RAD21L1: variants seen among roughly 807,000 people sequenced by gnomAD.
RAD21L1 encodes double-strand-break repair protein rad21-like protein 1.
Under a neutral mutation model 69.0 loss-of-function variants are expected in RAD21L1, and 47 were observed. The observed-to-expected ratio is 0.68, with a 90% confidence interval of 0.54 to 0.87. The LOEUF is 0.87. Ranked by LOEUF, RAD21L1 falls within the 40% of genes least tolerant of loss-of-function variation. The pLI is 0.00. For missense variants in RAD21L1, 583 were observed against 647.6 expected (o/e 0.90, Z 1.08); for synonymous variants, 177 against 205.8 (o/e 0.86, Z 1.20).
chr20:1,229,799 C>G, intron 2 of RAD21L1, 81 bp from the exon 3 acceptor site: 1 of 1,093,622 alleles, frequency 9.1e-7, no homozygotes, highest in Non-Finnish European at 1.3e-6. Context: ...AGAACCAATT[C>G]TTACGATGTC....
At chr20:1,253,287 G>A (rs1336643482) in intron 13 of RAD21L1, among the ~76,000 whole-genome samples, 1 of 152,108 alleles carries the variant, frequency 6.6e-6, no homozygotes, top group Admixed American at 6.5e-5. Flanking sequence ...AGTATTCACT[G>A]CAGTACTTCT....
chr20:1,226,153 C>G lies in RAD21L1; in HGVS notation c.-33+13C>G, dbSNP rs1172292220. 2 of 151,568 alleles carry G rather than the reference C, an allele frequency of 1.3e-5. No individual in the cohort carries two copies. The highest frequency in any genetic ancestry group is 2.9e-5 in the Non-Finnish European group (2 of 67,928). 9.4% of individuals were successfully genotyped at this position (151,568 alleles called of 1,614,324 possible). A position where few individuals can be genotyped will look rare whatever the true frequency, so the allele number is the denominator to read the frequency against. ...CGAGGCTTTGAAAGTAGGGCGCAGC[C>G]TGAGAGGCCGGCCGGACCCCGAGTG... On this transcript the variant is annotated intron_variant, in intron 1 of 13. Coordinates refer to ENST00000683101, the MANE Select transcript of RAD21L1 (RefSeq NM_001384355.1).
chr20:1,250,448 A>G (rs2087805949), intron 13 of RAD21L1, among the ~76,000 whole-genome samples: 1 of 149,484 alleles, frequency 6.7e-6, no homozygotes, highest in Non-Finnish European at 1.5e-5. Flanking sequence ...GTGAGTGAGA[A>G]CATGCAGTGT....
chr20:1,246,059 G>A lies in RAD21L1; in HGVS notation c.1309-154G>A. 2 of 457,344 alleles carry A rather than the reference G, an allele frequency of 4.4e-6. No homozygotes were observed. Among genetic ancestry groups the A allele is most frequent in the Admixed American group, 4.3e-5 (1 of 23,086 alleles). 28.3% of individuals were successfully genotyped at this position (457,344 alleles called of 1,614,324 possible). On this transcript the variant is annotated intron_variant, in intron 11 of 13. Coordinates refer to ENST00000683101, the MANE Select transcript of RAD21L1 (RefSeq NM_001384355.1). The surrounding 1 kb of genome is among the most constrained non-coding windows in gnomAD (Gnocchi z 4.6). The stretch of plus-strand genomic sequence containing the variant: ...ATTTAAGTCAAAGACTGCCTATCTG[G>A]GGTATTTCAGAGATAATATTTTGAG...
At chr20:1,249,202 A>G (rs2087776366) in intron 13 of RAD21L1, among the ~76,000 whole-genome samples, 1 of 152,122 alleles carries the variant, frequency 6.6e-6, no homozygotes, top group South Asian at 2.1e-4. Context: ...TTTAGTATTT[A>G]TATCTATATT....
chr20:1,228,515 C>T lies in RAD21L1; in HGVS notation c.62C>T (p.Ala21Val). 2 of 1,550,038 alleles carry T rather than the reference C, an allele frequency of 1.3e-6. No homozygotes were observed. Among genetic ancestry groups the T allele is most frequent in the South Asian group, 1.2e-5 (1 of 83,926 alleles). The change falls in exon 2 of 14, where the codon GCT (alanine) becomes GTT (valine). Residue 21 changes from alanine to valine, a missense_variant. Physicochemically the swap from Ala to Val is moderately conservative, Grantham distance 64. Transcript: ENST00000683101. Reference sequence around the variant, plus strand: ...CCATTGGCCAAAATATGGCTTGCAGCTCACTGGGAGAAGAAACTCACAAAG... The same window carrying T: ...CCATTGGCCAAAATATGGCTTGCAGTTCACTGGGAGAAGAAACTCACAAAG... ...RGPLAKIWLA[A>V]HWEKKLTKAH...
intron 4 of RAD21L1, among the ~76,000 whole-genome samples, chr20:1,232,270 G>T (rs1441736661): frequency 6.6e-6 from 1 of 152,196 alleles, no homozygotes; most frequent in Non-Finnish European, 1.5e-5. Context: ...AGACACAGAT[G>T]ATGTAGGGTG....
At chr20:1,228,677 G>A (rs1159340742) in intron 2 of RAD21L1, 80 bp downstream of exon 2, 13 of 1,001,924 alleles carry the variant, frequency 1.3e-5, no homozygotes, top group African/African-American at 1.7e-5. Flanking sequence ...CTTATATCAT[G>A]AAATACATTT....
chr20:1,232,077 A>G (rs938265477), intron 4 of RAD21L1, among the ~76,000 whole-genome samples: 15 of 152,226 alleles, frequency 9.9e-5, no homozygotes, highest in African/African-American at 3.6e-4. Flanking sequence ...GTAAGAACAA[A>G]TCTGAAGGAG....
chr20:1,244,152 T>C lies in RAD21L1; in HGVS notation c.1290T>C (p.Asn430=). ...AGCATAGCTCTCATGAGGATACCAA[T>C]AAAAATATTAACTCTGAGGTAAGTT... ...GSQHSSHEDT[N]KNINSEDIVE... Residue 430 remains asparagine, a synonymous_variant, in exon 11 of 14, where the codon AAT becomes AAC. Transcript: ENST00000683101. 1.9e-6 allele frequency: 3 copies of C among 1,543,240 alleles called. No individual in the cohort carries two copies. Among genetic ancestry groups the C allele is most frequent in the Non-Finnish European group, 2.6e-6 (3 of 1,141,456 alleles).
At chr20:1,250,126 A>T (rs1295362170) in intron 13 of RAD21L1, among the ~76,000 whole-genome samples, 2 of 150,892 alleles carry the variant, frequency 1.3e-5, no homozygotes, top group Non-Finnish European at 2.9e-5. Flanking sequence ...TGTCCTTGCC[A>T]TAGGTTGCTG....
chr20:1,252,426 C>A (rs776488594), intron 13 of RAD21L1, among the ~76,000 whole-genome samples: 3 of 152,108 alleles, frequency 2.0e-5, no homozygotes, highest in Non-Finnish European at 4.4e-5. Context: ...CCAGAATAAT[C>A]TTTAAGTCTA....
At chr20:1,237,244 T>C (rs1013633219) in intron 5 of RAD21L1, among the ~76,000 whole-genome samples, 1 of 152,146 alleles carries the variant, frequency 6.6e-6, no homozygotes, top group African/African-American at 2.4e-5. Context: ...GAGAGGGAAA[T>C]AACTGATGTC....
chr20:1,249,015 T>C (rs1018185471), intron 13 of RAD21L1, among the ~76,000 whole-genome samples: 1 of 152,222 alleles, frequency 6.6e-6, no homozygotes, highest in South Asian at 2.1e-4. Context: ...AGTTCAAGAG[T>C]GACAACTCAG....
chr20:1,231,740 A>C (rs1431952558), intron 4 of RAD21L1, 121 bp downstream of exon 4: 5 of 594,556 alleles, frequency 8.4e-6, no homozygotes, highest in Non-Finnish European at 1.2e-5. Context: ...GTAATTGATA[A>C]AGACTTATAT....
intron 13 of RAD21L1, among the ~76,000 whole-genome samples, chr20:1,252,627 C>G (rs1222670099): frequency 1.3e-5 from 2 of 152,216 alleles, no homozygotes; most frequent in African/African-American, 4.8e-5. Flanking sequence ...AGAAGGGCAA[C>G]TTCACGCCTT....
intron 12 of RAD21L1, among the ~76,000 whole-genome samples, chr20:1,247,847 G>A (rs2087746683): frequency 6.6e-6 from 1 of 151,926 alleles, no homozygotes; most frequent in African/African-American, 2.4e-5. Context: ...AATTAGCTTA[G>A]GAAAAATTAT....
rs1182065572 is a variant in RAD21L1, at chr20:1,255,734, C to A, written c.*1277C>A. Among the ~76,000 whole-genome samples the A allele has an allele frequency of 6.6e-6, 1 of 152,090 alleles. No homozygotes were observed. The highest frequency in any genetic ancestry group is 1.9e-4 in the East Asian group (1 of 5,202). On this transcript the variant is annotated 3_prime_UTR_variant, in exon 14 of 14. Transcript: ENST00000683101. ...AATTCTGTTATCCCTTTGTAGTAACCCCCTTCCCCCATATAACATCTGGCA... is the reference window on the plus strand; with the variant it reads ...AATTCTGTTATCCCTTTGTAGTAACACCCTTCCCCCATATAACATCTGGCA...
At chr20:1,233,308 T>C (rs922159757) in intron 4 of RAD21L1, among the ~76,000 whole-genome samples, 1 of 152,116 alleles carries the variant, frequency 6.6e-6, no homozygotes, top group Non-Finnish European at 1.5e-5. Context: ...GTAGTGAGTA[T>C]ACATTTAAAA....
Sources: gnomAD v4.1 joint callset for allele counts (sites outside exome capture counted in the v4.1 genomes callset) on GRCh38, gnomAD v4.1.1 for gene constraint, Gnocchi (gnomAD v3.1) non-coding constraint, MANE v1.5 for transcripts, NCBI Gene and HGNC (gene_info 2026-07-23, HGNC 2026-07-21) for gene names.